PCTP: variants seen among roughly 807,000 people sequenced by gnomAD.
PCTP encodes the protein START domain-containing protein 2.
In PCTP, 27 loss-of-function variants were observed where a neutral mutation model predicts 31.0. That is an observed-to-expected ratio of 0.87 (90% confidence interval 0.64 to 1.20). The LOEUF (loss-of-function observed/expected upper bound fraction) is 1.20. Ranked by LOEUF, PCTP falls within the 50% of genes most tolerant of loss-of-function variation. The pLI is 0.00. For synonymous variants in PCTP, 108 were observed against 101.2 expected, an observed-to-expected ratio of 1.07 and a Z score of -0.40; for missense variants, 287 against 268.2, an observed-to-expected ratio of 1.07 and a Z score of -0.49.
At chr17:55,753,767 G>C (rs563247527) in intron 1 of PCTP, among the ~76,000 whole-genome samples, 3 of 152,304 alleles carry the variant, frequency 2.0e-5, no homozygotes. Flanking sequence ...TACAGACGAG[G>C]CAGTTGAGGT....
chr17:55,792,511 TTAGATAG>T (rs1196828166), intron 3 of PCTP, among the ~76,000 whole-genome samples: 3 of 152,042 alleles, frequency 2.0e-5, no homozygotes, highest in Non-Finnish European at 2.9e-5. Flanking sequence ...TAACTTACCA[TTAGATAG>T]TAAGAACTGT....
chr17:55,751,397 G>A lies in PCTP; in HGVS notation c.141+153G>A, dbSNP rs1446410194. 3 of 1,534,408 alleles carry A rather than the reference G, an allele frequency of 2.0e-6. No individual in the cohort carries two copies. The African/African-American group carries it at 4.1e-5, about 21-fold the overall frequency. Reference sequence around the variant, plus strand: ...CGCCCGGACCCTGTCTCAAGCTCTGGAGCTAGCGCAGGGGCGGTGCCTCCA... The same window carrying A: ...CGCCCGGACCCTGTCTCAAGCTCTGAAGCTAGCGCAGGGGCGGTGCCTCCA... On this transcript the variant is annotated intron_variant, in intron 1 of 5. Coordinates refer to ENST00000268896, the MANE Select transcript of PCTP (RefSeq NM_021213.4).
At chr17:55,794,387 T>C (rs541620686) in intron 3 of PCTP, among the ~76,000 whole-genome samples, 4 of 152,070 alleles carry the variant, frequency 2.6e-5, no homozygotes, top group Admixed American at 2.0e-4. Context: ...AGCTGCTACA[T>C]TTCATTCCTT....
chr17:55,767,568 G>A (rs1429562798), intron 2 of PCTP, 116 bp downstream of exon 2: 4 of 601,312 alleles, frequency 6.7e-6, no homozygotes, highest in Admixed American at 2.9e-5. Context: ...GGGTTCAAGC[G>A]ATTCTCCTGC....
chr17:55,771,327 A>G, intron 3 of PCTP, 142 bp downstream of exon 3: 1 of 676,412 alleles, frequency 1.5e-6, no homozygotes, highest in South Asian at 1.8e-5. Flanking sequence ...AGCATTTGCT[A>G]AAGATATTGC....
chr17:55,811,285 C>G (rs761806945), intron 3 of PCTP, among the ~76,000 whole-genome samples: 11 of 152,192 alleles, frequency 7.2e-5, no homozygotes, highest in Non-Finnish European at 1.0e-4. Context: ...AAGGCCTTAG[C>G]AAATCAATTA....
chr17:55,803,432 A>G (rs1219007293), intron 3 of PCTP, among the ~76,000 whole-genome samples: 1 of 152,234 alleles, frequency 6.6e-6, no homozygotes, highest in African/African-American at 2.4e-5. Context: ...ACGAAGCTGA[A>G]GGCATCACAC....
At chr17:55,803,376 A>T (rs949930379) in intron 3 of PCTP, among the ~76,000 whole-genome samples, 1 of 152,210 alleles carries the variant, frequency 6.6e-6, no homozygotes, top group Non-Finnish European at 1.5e-5. Context: ...TTTCATATGG[A>T]AACAAAAAAG....
In PCTP at chr17:55,767,382, C is replaced by T; in HGVS notation, c.189C>T (p.Cys63=). 6.2e-7 allele frequency: 1 copy of T among 1,613,536 alleles called. No homozygotes were observed. ...EYKVFGVLED[C]SPTLLADIYM... ...AAGTCTTTGGTGTTCTGGAGGACTG[C>T]TCACCAACTCTACTGGCAGACATCT... The change falls in exon 2 of 6, where the codon TGC becomes TGT. Residue 63 remains cysteine, a synonymous_variant. Coordinates refer to ENST00000268896, the MANE Select transcript of PCTP (RefSeq NM_021213.4).
At chr17:55,752,252 C>T (rs1039108120) in intron 1 of PCTP, among the ~76,000 whole-genome samples, 1 of 152,240 alleles carries the variant, frequency 6.6e-6, no homozygotes, top group South Asian at 2.1e-4. Context: ...AAACAGAAAA[C>T]AAACGTTTGC....
chr17:55,753,582 TC>T (rs1173844298), intron 1 of PCTP, among the ~76,000 whole-genome samples: 1 of 152,184 alleles, frequency 6.6e-6, no homozygotes, highest in Non-Finnish European at 1.5e-5. Flanking sequence ...CTGCCTCCAG[TC>T]CTGTGTCTTC....
intron 3 of PCTP, 123 bp downstream of exon 3, chr17:55,771,308 T>C: frequency 1.3e-6 from 1 of 755,318 alleles, no homozygotes. Context: ...TGTCTCTGAT[T>C]CTTGCAGCAG....
At chr17:55,775,293 T>C (rs1460403511) in intron 5 of PCTP, 90 of 1,236,204 alleles carry the variant, frequency 7.3e-5, no homozygotes, top group Non-Finnish European at 8.9e-5. Flanking sequence ...CTTTTTTTTT[T>C]TTCTTTTTCT....
intron 3 of PCTP, among the ~76,000 whole-genome samples, chr17:55,816,614 A>G (rs1912925060): frequency 6.6e-6 from 1 of 152,192 alleles, no homozygotes; most frequent in Admixed American, 6.5e-5. Flanking sequence ...TATGAGTCAT[A>G]GCTTCCCCTA....
At chr17:55,766,053 T>A (rs1910629447) in intron 1 of PCTP, among the ~76,000 whole-genome samples, 1 of 152,192 alleles carries the variant, frequency 6.6e-6, no homozygotes, top group Non-Finnish European at 1.5e-5. Flanking sequence ...ATCCCCGCCC[T>A]TGCAAGGCAT....
At chr17:55,801,847 C>A (rs989657058) in intron 3 of PCTP, among the ~76,000 whole-genome samples, 1 of 151,982 alleles carries the variant, frequency 6.6e-6, no homozygotes, top group African/African-American at 2.4e-5. Context: ...TAGCAGAAGA[C>A]AAGAAATAAC....
intron 1 of PCTP, among the ~76,000 whole-genome samples, chr17:55,760,197 A>G (rs903311467): frequency 6.6e-6 from 1 of 152,230 alleles, no homozygotes; most frequent in Non-Finnish European, 1.5e-5. Context: ...GATTATTGCA[A>G]GTATTCATGA....
chr17:55,777,358 A>C lies in PCTP; in HGVS notation c.*1258A>C, dbSNP rs1243857455. Reference sequence around the variant, plus strand: ...GAAAAGTGTGTTCTATAATGAATAAATATAGAGTGGTTTTTACTTGTCCTG... The same window carrying C: ...GAAAAGTGTGTTCTATAATGAATAACTATAGAGTGGTTTTTACTTGTCCTG... On this transcript the variant is annotated 3_prime_UTR_variant, in exon 6 of 6. Coordinates refer to ENST00000268896, the MANE Select transcript of PCTP (RefSeq NM_021213.4). 5 of 984,444 alleles carry C rather than the reference A, an allele frequency of 5.1e-6. No homozygotes were observed. The African/African-American group carries it at 8.7e-5, about 17-fold the overall frequency. The allele number at this position is 984,444 out of a possible 1,614,324, so 61.0% of individuals were successfully genotyped here.
At chr17:55,801,146 A>C (rs1444452964) in intron 3 of PCTP, among the ~76,000 whole-genome samples, 1 of 152,120 alleles carries the variant, frequency 6.6e-6, no homozygotes, top group African/African-American at 2.4e-5. Context: ...AAAGGATCAA[A>C]GCAACAAGAA....
Sources: allele counts gnomAD v4.1 joint callset (sites outside exome capture counted in the v4.1 genomes callset), GRCh38; gene constraint gnomAD v4.1.1; transcripts MANE v1.5; gene names NCBI Gene and HGNC (gene_info 2026-07-23, HGNC 2026-07-21).